MACROD2: variants seen among roughly 807,000 people sequenced by gnomAD.
MACROD2 encodes ADP-ribose glycohydrolase MACROD2.
MACROD2 carries 36 observed loss-of-function variants against 70.4 expected under a neutral mutation model. That is an observed-to-expected ratio of 0.51 (90% confidence interval 0.39 to 0.68). The LOEUF (loss-of-function observed/expected upper bound fraction) is 0.68, where lower values mean the gene tolerates loss of function less well. Ranked by LOEUF, MACROD2 falls within the 30% of genes least tolerant of loss-of-function variation. The pLI is 0.00. For synonymous variants in MACROD2, 172 were observed against 178.8 expected (o/e 0.96, Z 0.30); for missense variants, 496 against 538.4 (o/e 0.92, Z 0.78).
intron 5 of MACROD2, among the ~76,000 whole-genome samples, chr20:14,865,781 C>T (rs562536923): frequency 1.3e-5 from 2 of 152,144 alleles, no homozygotes; most frequent in South Asian, 2.1e-4. Context: ...CTTCTTTTGC[C>T]AGTTCTATTT....
intron 3 of MACROD2, among the ~76,000 whole-genome samples, chr20:14,166,891 T>C (rs77744351): frequency 2.0e-5 from 3 of 152,224 alleles, no homozygotes; most frequent in Non-Finnish European, 2.9e-5. Flanking sequence ...TACAACTGTT[T>C]ACTTCAGCAT....
At chr20:15,585,440 C>T (rs1234933848) in intron 8 of MACROD2, among the ~76,000 whole-genome samples, 1 of 152,126 alleles carries the variant, frequency 6.6e-6, no homozygotes, top group East Asian at 1.9e-4. Context: ...TCGTGATCCA[C>T]CCACCTCGGC....
chr20:15,305,655 T>TTGTGTGTGTG (rs143803631), intron 6 of MACROD2, among the ~76,000 whole-genome samples: 1 of 150,578 alleles, frequency 6.6e-6, no homozygotes, highest in Non-Finnish European at 1.5e-5. Context: ...GTTGATAAAA[T>TTGTGTGTGTG]TGTGTGTGTG....
At chr20:14,850,224 C>A in intron 5 of MACROD2, 1 of 290,242 alleles carries the variant, frequency 3.4e-6, no homozygotes, top group Non-Finnish European at 6.8e-6. Context: ...ACATCTCATA[C>A]CATCAATATA....
intron 10 of MACROD2, among the ~76,000 whole-genome samples, chr20:15,931,391 C>T (rs1021532090): frequency 2.0e-5 from 3 of 152,046 alleles, no homozygotes; most frequent in Non-Finnish European, 4.4e-5. Flanking sequence ...CCTGTAATCC[C>T]AGCAGTTTGG....
intron 8 of MACROD2, among the ~76,000 whole-genome samples, chr20:15,645,752 A>T (rs2049531799): frequency 6.6e-6 from 1 of 152,214 alleles, no homozygotes; most frequent in African/African-American, 2.4e-5. Flanking sequence ...GGCTGTGTAA[A>T]TATATAATAT....
At chr20:14,432,716 T>G (rs189613397) in intron 3 of MACROD2, among the ~76,000 whole-genome samples, 130 of 152,232 alleles carry the variant, frequency 8.5e-4, no homozygotes, top group African/African-American at 2.9e-3. Context: ...GTCTGTCATC[T>G]GTAGTCAATG....
chr20:15,394,867 G>T (rs566201188), intron 6 of MACROD2, among the ~76,000 whole-genome samples: 1 of 152,330 alleles, frequency 6.6e-6, no homozygotes, highest in South Asian at 2.1e-4. Flanking sequence ...TGACAGTCCA[G>T]TGTAGGTTAA....
chr20:15,973,230 T>G (rs1366646920), intron 13 of MACROD2, among the ~76,000 whole-genome samples: 1 of 151,904 alleles, frequency 6.6e-6, no homozygotes, highest in African/African-American at 2.4e-5. Flanking sequence ...CGCAATTTTA[T>G]AAAATTGTCT....
chr20:14,640,697 A>T (rs1236641385), intron 4 of MACROD2, among the ~76,000 whole-genome samples: 1 of 152,238 alleles, frequency 6.6e-6, no homozygotes, highest in Non-Finnish European at 1.5e-5. Flanking sequence ...TTGGTTTCCC[A>T]GCGCATATGG....
At chr20:15,009,261 A>G (rs963186793) in intron 5 of MACROD2, among the ~76,000 whole-genome samples, 5 of 152,282 alleles carry the variant, frequency 3.3e-5, no homozygotes, top group African/African-American at 1.2e-4. Flanking sequence ...GTAGTTTTAA[A>G]ATATGCCCCT....
At chr20:15,748,696 G>A (rs149583740) in intron 8 of MACROD2, among the ~76,000 whole-genome samples, 3 of 152,032 alleles carry the variant, frequency 2.0e-5, no homozygotes, top group African/African-American at 7.2e-5. Context: ...TATTCCACTT[G>A]TGTCTAGTTA....
At chr20:14,557,397 T>G (rs1979108360) in intron 4 of MACROD2, among the ~76,000 whole-genome samples, 1 of 152,010 alleles carries the variant, frequency 6.6e-6, no homozygotes, top group East Asian at 1.9e-4. Context: ...AAATTGAAAC[T>G]TTTGTGTTTC....
intron 3 of MACROD2, among the ~76,000 whole-genome samples, chr20:14,158,442 T>G (rs1473366457): frequency 3.3e-5 from 5 of 152,192 alleles, no homozygotes; most frequent in Admixed American, 2.0e-4. Context: ...TGTAGCTTAA[T>G]GTCTCTATTT....
intron 4 of MACROD2, among the ~76,000 whole-genome samples, chr20:14,561,418 T>C (rs918810098): frequency 6.6e-6 from 1 of 151,856 alleles, no homozygotes; most frequent in African/African-American, 2.4e-5. Flanking sequence ...ATTTGTGAAA[T>C]ACCTTTTTGT....
intron 8 of MACROD2, among the ~76,000 whole-genome samples, chr20:15,812,979 ACAGGTTCAGGTACCC>A (rs1321160284): frequency 1.3e-5 from 2 of 152,216 alleles, no homozygotes; most frequent in African/African-American, 4.8e-5. Context: ...ATGTGAACTA[ACAGGTTCAGGTACCC>A]CAGAAATATC....
At chr20:15,918,400 T>C (rs1322756824) in intron 10 of MACROD2, among the ~76,000 whole-genome samples, 1 of 152,242 alleles carries the variant, frequency 6.6e-6, no homozygotes, top group Non-Finnish European at 1.5e-5. Context: ...TATCCTAACA[T>C]TTTCATGTGA....
intron 3 of MACROD2, among the ~76,000 whole-genome samples, chr20:14,087,947 CAT>C (rs1365609524): frequency 3.3e-5 from 5 of 151,660 alleles, no homozygotes; most frequent in Non-Finnish European, 5.9e-5. Context: ...TATATACACA[CAT>C]ATAAATAAAA....
chr20:14,037,524 G>A (rs1235012863), intron 2 of MACROD2, among the ~76,000 whole-genome samples: 1 of 152,192 alleles, frequency 6.6e-6, no homozygotes, highest in Non-Finnish European at 1.5e-5. Context: ...AGTAAGGGAT[G>A]CATATTTTTT....
Sources: gnomAD v4.1 joint callset for allele counts (sites outside exome capture counted in the v4.1 genomes callset) on GRCh38, gnomAD v4.1.1 for gene constraint, MANE v1.5 for transcripts, NCBI Gene and HGNC (gene_info 2026-07-23, HGNC 2026-07-21) for gene names.